The following TMEM98 variants were observed in gnomAD, a reference collection of about 807,000 sequenced individuals.
The protein encoded by TMEM98 is transmembrane protein 98.
Under a neutral mutation model 25.0 loss-of-function variants are expected in TMEM98, and 18 were observed. That is an observed-to-expected ratio of 0.72 (90% CI 0.50 to 1.07). TMEM98 has a LOEUF of 1.07. Among genes scored for constraint, TMEM98 ranks in the 50% least tolerant of loss-of-function variants. The probability of loss-of-function intolerance (pLI) is 0.00; values close to 1 mark genes in which losing one functional copy is unlikely to be tolerated. For synonymous variants in TMEM98, 103 were observed against 112.4 expected (o/e 0.92, Z 0.53); for missense variants, 241 against 289.0 (o/e 0.83, Z 1.20).
intron 6 of TMEM98, among the ~76,000 whole-genome samples, chr17:32,937,087 T>C (rs552603343): frequency 6.6e-6 from 1 of 152,346 alleles, no homozygotes; most frequent in South Asian, 2.1e-4. Context: ...AGCCAAGGGC[T>C]GTACTAAGTT....
At position 32,941,071 on chromosome 17, in the gene TMEM98, C is replaced by G. The variant is rs2091528493; in HGVS notation, c.*78C>G. The G allele has an allele frequency of 7.8e-7, 1 of 1,276,192 alleles. No individual in the cohort carries two copies. Among genetic ancestry groups the G allele is most frequent in the South Asian group, 1.5e-5 (1 of 67,186 alleles). 79.1% of individuals were successfully genotyped at this position (1,276,192 alleles called of 1,614,324 possible). On this transcript the variant is annotated 3_prime_UTR_variant, in exon 8 of 8. Coordinates refer to ENST00000579849, the MANE Select transcript of TMEM98 (RefSeq NM_015544.3). ...GCTCAGCTTAGCCTTCTACTTTTTC[C>G]TATAGAGTTAGTTGTTCTCCACGGC...
chr17:32,933,146 A>G (rs764596593), intron 3 of TMEM98, 28 bp from the exon 4 acceptor site: 25 of 1,612,890 alleles, frequency 1.6e-5, no homozygotes, highest in Non-Finnish European at 2.1e-5. Context: ...CCACCATGAA[A>G]CCATTTAACG....
chr17:32,939,547 G>T lies in TMEM98; in HGVS notation c.473+11G>T. 1 of 1,614,072 alleles carries T rather than the reference G, an allele frequency of 6.2e-7. No individual in the cohort carries two copies. The highest frequency in any genetic ancestry group is 1.1e-5 in the South Asian group (1 of 91,078). ...ACTCCTGGACGCACGGTGAGACCAG[G>T]GGTGGGTGCATGTTCGGTTTTTCAT... On this transcript the variant is annotated intron_variant, in intron 7 of 7. Transcript: ENST00000579849.
In TMEM98 at chr17:32,940,967, T is replaced by G; in HGVS notation, c.655T>G (p.Phe219Val). The change falls in exon 8 of 8, where the codon TTC becomes GTC. Residue 219 changes from phenylalanine (F) to valine (V), a missense_variant. Phe to Val is a conservative substitution (Grantham distance 50). Transcript: ENST00000579849. ...TAAAGGCCTCCCAGGCCCTGAAGGC[T>G]TCCTGCAGGAGCAGTCTGCAATTTA... ...PDKGLPGPEG[F>V]LQEQSAI 6.2e-7 allele frequency: 1 copy of G among 1,611,886 alleles called. No individual in the cohort carries two copies. The highest frequency in any genetic ancestry group is 8.5e-7 in the Non-Finnish European group (1 of 1,179,360).
At chr17:32,928,609 C>G (rs1050269715) in intron 1 of TMEM98, among the ~76,000 whole-genome samples, 5 of 151,950 alleles carry the variant, frequency 3.3e-5, no homozygotes, top group Admixed American at 1.3e-4. Flanking sequence ...AAAACTTACT[C>G]TTCAGTACGC....
chr17:32,930,185 C>G (rs915320932), intron 1 of TMEM98, among the ~76,000 whole-genome samples: 3 of 151,858 alleles, frequency 2.0e-5, no homozygotes, highest in African/African-American at 7.3e-5. Context: ...AATGCTTGCA[C>G]AAAGAGAGAC....
At chr17:32,931,884 A>G (rs2091471654) in intron 3 of TMEM98, among the ~76,000 whole-genome samples, 1 of 152,108 alleles carries the variant, frequency 6.6e-6, no homozygotes, top group Admixed American at 6.6e-5. Context: ...GAAGAAAGTC[A>G]CTGAATATGA....
At position 32,933,333 on chromosome 17, in the gene TMEM98, G is replaced by A. The variant is rs29018; in HGVS notation, c.263+28G>A. 1.4e-4 allele frequency: 224 copies of A among 1,613,366 alleles called. 2 individuals carry two copies. In the South Asian group the frequency reaches 2.2e-3, roughly 16 times the overall value. Reference sequence around the variant, plus strand: ...AAGGCCATGGGAACTGTTTGCTTCCGGGCTTCTGGCAAATGATGCCCTTTG... The same window carrying A: ...AAGGCCATGGGAACTGTTTGCTTCCAGGCTTCTGGCAAATGATGCCCTTTG... On this transcript the variant is annotated intron_variant, in intron 4 of 7. Coordinates refer to ENST00000579849, the MANE Select transcript of TMEM98 (RefSeq NM_015544.3).
intron 1 of TMEM98, among the ~76,000 whole-genome samples, chr17:32,930,574 A>G (rs1462591721): frequency 2.0e-5 from 3 of 152,260 alleles, no homozygotes. Context: ...AACTCTTTCC[A>G]GAACCTTTAC....
At chr17:32,931,426 C>G in intron 2 of TMEM98, 24 bp downstream of exon 2, 1 of 1,483,008 alleles carries the variant, frequency 6.7e-7, no homozygotes, top group East Asian at 2.5e-5. Context: ...GTCCCACTCT[C>G]TTTCGTGGCT....
chr17:32,937,529 C>A, intron 6 of TMEM98, among the ~76,000 whole-genome samples: 1 of 152,164 alleles, frequency 6.6e-6, no homozygotes, highest in East Asian at 1.9e-4. Context: ...CAGCCCCTGG[C>A]TTTATAAGAA....
chr17:32,941,001 A>C lies in TMEM98; in HGVS notation c.*8A>C, dbSNP rs201452683. ...GAGCAGTCTGCAATTTAGTGCCTAC[A>C]GGCCAGCAGCTAGCCATGAAGGCCC... On this transcript the variant is annotated 3_prime_UTR_variant, in exon 8 of 8. Coordinates refer to ENST00000579849, the MANE Select transcript of TMEM98 (RefSeq NM_015544.3). 9.4e-6 allele frequency: 15 copies of C among 1,590,608 alleles called. No individual in the cohort carries two copies. The highest frequency in any genetic ancestry group is 1.2e-5 in the Non-Finnish European group (14 of 1,167,224).
At chr17:32,937,514 A>G (rs1447071223) in intron 6 of TMEM98, among the ~76,000 whole-genome samples, 1 of 152,148 alleles carries the variant, frequency 6.6e-6, no homozygotes, top group Non-Finnish European at 1.5e-5. Flanking sequence ...CTGTAGCCAC[A>G]TGGTCAGCCC....
At chr17:32,936,307 ATC>A in intron 5 of TMEM98, 23 bp from the exon 6 acceptor site, 1 of 1,602,756 alleles carries the variant, frequency 6.2e-7, no homozygotes, top group East Asian at 2.2e-5. Flanking sequence ...GTCAGCCCTC[ATC>A]TCTCTCCTCC....
Position 32,931,580 on chromosome 17 carries a change from G to A in TMEM98, c.52G>A (p.Ala18Thr), listed in dbSNP as rs1465220941. 1 of 1,604,432 alleles carries A rather than the reference G, an allele frequency of 6.2e-7. No homozygotes were observed. The highest frequency in any genetic ancestry group is 8.5e-7 in the Non-Finnish European group (1 of 1,175,758). Reference protein sequence around the residue: ...AIGVLATIFLASFAALVLVCR... With the variant: ...AIGVLATIFLTSFAALVLVCR... ...AGGTGTGCTGGCCACCATCTTTCTG[G>A]CTTCGTTTGCAGCCTTGGTGCTGGT... The change falls in exon 3 of 8, where the codon GCT (alanine) becomes ACT (threonine). Residue 18 changes from alanine (A) to threonine (T), a missense_variant. Physicochemically the swap from Ala to Thr is moderately conservative, Grantham distance 58 (BLOSUM62 0). Transcript: ENST00000579849.
At position 32,939,565 on chromosome 17, in the gene TMEM98, T is replaced by C. The variant is rs1428774704; in HGVS notation, c.473+29T>C. The C allele has an allele frequency of 2.5e-6, 4 of 1,613,060 alleles. No homozygotes were observed. In the Admixed American group the frequency reaches 6.7e-5, roughly 27 times the overall value. ...AGACCAGGGGTGGGTGCATGTTCGG[T>C]TTTTCATGCAGAGGTCCACAACCGT... On this transcript the variant is annotated intron_variant, in intron 7 of 7. Coordinates refer to ENST00000579849, the MANE Select transcript of TMEM98 (RefSeq NM_015544.3).
At chr17:32,935,463 A>G (rs555897427) in intron 5 of TMEM98, among the ~76,000 whole-genome samples, 1 of 152,094 alleles carries the variant, frequency 6.6e-6, no homozygotes, top group African/African-American at 2.4e-5. Flanking sequence ...ATTGAATTGG[A>G]ATCTGTGTCT....
intron 1 of TMEM98, among the ~76,000 whole-genome samples, chr17:32,930,339 C>T (rs997010668): frequency 2.6e-5 from 4 of 152,226 alleles, no homozygotes; most frequent in Non-Finnish European, 4.4e-5. Flanking sequence ...TATCAAGTTA[C>T]ATTTTATGTG....
At chr17:32,934,915 T>C (rs1338803373) in intron 5 of TMEM98, among the ~76,000 whole-genome samples, 1 of 152,260 alleles carries the variant, frequency 6.6e-6, no homozygotes, top group Admixed American at 6.5e-5. Flanking sequence ...TGGGTAATTT[T>C]ATGGTTTTAG....
Sources: gnomAD v4.1 joint callset for allele counts (sites outside exome capture counted in the v4.1 genomes callset) on GRCh38, gnomAD v4.1.1 for gene constraint, MANE v1.5 for transcripts, NCBI Gene and HGNC (gene_info 2026-07-23, HGNC 2026-07-21) for gene names.